KIF6: variants seen among roughly 807,000 people sequenced by gnomAD.
The protein encoded by KIF6 is kinesin family member 6.
A neutral mutation model predicts 112.7 loss-of-function variants in KIF6; 106 were observed. That is an observed-to-expected ratio of 0.94 (90% CI 0.80 to 1.11). The LOEUF (loss-of-function observed/expected upper bound fraction) is 1.11. KIF6 is among the 50% of genes least tolerant of loss of function. The pLI is 0.00. For synonymous variants in KIF6, 339 were observed against 339.9 expected, an observed-to-expected ratio of 1.00 and a Z score of 0.03; for missense variants, 929 against 964.0, an observed-to-expected ratio of 0.96 and a Z score of 0.48.
At chr6:39,701,014 T>G (rs1173657661) in intron 3 of KIF6, among the ~76,000 whole-genome samples, 1 of 152,234 alleles carries the variant, frequency 6.6e-6, no homozygotes, top group African/African-American at 2.4e-5. Context: ...AATTTAATTT[T>G]TATTTCTAAG....
chr6:39,366,731 T>C (rs1158283939), intron 16 of KIF6, among the ~76,000 whole-genome samples: 1 of 152,032 alleles, frequency 6.6e-6, no homozygotes, highest in Non-Finnish European at 1.5e-5. Context: ...CAGGAGCGGT[T>C]GGGAAGGGAA....
At chr6:39,451,140 C>T (rs1460749152) in intron 13 of KIF6, among the ~76,000 whole-genome samples, 1 of 152,130 alleles carries the variant, frequency 6.6e-6, no homozygotes. Flanking sequence ...CAAGTATTTA[C>T]TCAGTGGCCA....
At chr6:39,387,319 T>G (rs1055333462) in intron 15 of KIF6, among the ~76,000 whole-genome samples, 2 of 152,184 alleles carry the variant, frequency 1.3e-5, no homozygotes, top group Non-Finnish European at 2.9e-5. Context: ...GAGGATGCTA[T>G]GATTGATTTC....
At chr6:39,694,300 G>C (rs1278639178) in intron 3 of KIF6, among the ~76,000 whole-genome samples, 1 of 152,046 alleles carries the variant, frequency 6.6e-6, no homozygotes, top group Non-Finnish European at 1.5e-5. Context: ...CTCAACATAG[G>C]ACTGGAAGTC....
chr6:39,613,318 C>A lies in KIF6; in HGVS notation c.510G>T (p.Pro170=), dbSNP rs748485564. ...RHEASSLEDL[P]KVTILEDPDQ... is the part of the protein sequence containing the mutation. ...CAGGATCCTCCAGTATTGTCACTTT[C>A]CTAAGCAAATGGGAAGCAAGAAAAC... Residue 170 remains proline (P), a splice_region_variant and synonymous_variant, in exon 6 of 23, where the codon CCG becomes CCT. Coordinates refer to ENST00000287152, the MANE Select transcript of KIF6 (RefSeq NM_145027.6). 3.8e-6 allele frequency: 6 copies of A among 1,573,522 alleles called. No individual in the cohort carries two copies. The highest frequency in any genetic ancestry group is 4.7e-5 in the East Asian group (2 of 42,900).
At position 39,353,182 on chromosome 6, in the gene KIF6, C is replaced by G. The variant is rs1022803778; in HGVS notation, c.2180+4095G>C. Among the ~76,000 whole-genome samples, 4 of 152,154 alleles carry G rather than the reference C, an allele frequency of 2.6e-5. No individual in the cohort carries two copies. The East Asian group carries it at 7.7e-4, about 29-fold the overall frequency. ...GGAGTGCAAAACCATTTTGCATTCCCTCTAGCAATGAACGAGAGTTCCTAT... is the reference window on the plus strand; with the variant it reads ...GGAGTGCAAAACCATTTTGCATTCCGTCTAGCAATGAACGAGAGTTCCTAT... On this transcript the variant is annotated intron_variant, in intron 19 of 22. Transcript: ENST00000287152.
At chr6:39,679,169 A>G (rs559372228) in intron 3 of KIF6, among the ~76,000 whole-genome samples, 103 of 152,366 alleles carry the variant, frequency 6.8e-4, no homozygotes, top group African/African-American at 2.5e-3. Flanking sequence ...TGAAGACAAA[A>G]GGAAGCCATC....
At chr6:39,445,859 G>A (rs1581873884) in intron 13 of KIF6, among the ~76,000 whole-genome samples, 2 of 152,194 alleles carry the variant, frequency 1.3e-5, no homozygotes, top group Non-Finnish European at 2.9e-5. Context: ...GCAGGACCTT[G>A]GGGATTTCCT....
intron 3 of KIF6, among the ~76,000 whole-genome samples, chr6:39,664,128 G>A (rs1269483523): frequency 6.6e-6 from 1 of 152,032 alleles, no homozygotes; most frequent in Non-Finnish European, 1.5e-5. Flanking sequence ...TAAATAATAA[G>A]AAACCAGGGA....
chr6:39,569,402 A>C (rs1209408912), intron 10 of KIF6, among the ~76,000 whole-genome samples: 1 of 152,208 alleles, frequency 6.6e-6, no homozygotes, highest in East Asian at 1.9e-4. Flanking sequence ...GGTATATATC[A>C]AATTATATGA....
At position 39,433,605 on chromosome 6, in the gene KIF6, G is replaced by C. The variant is rs114117457; in HGVS notation, c.1646-2444C>G. 6.8e-3 allele frequency among the ~76,000 whole-genome samples: 1,033 copies of C among 152,316 alleles called. 11 individuals carry two copies. The highest frequency in any genetic ancestry group is 0.024 in the African/African-American group (990 of 41,560). On this transcript the variant is annotated intron_variant, in intron 13 of 22. Transcript: ENST00000287152. ...ATTCTGGAGTTGGAGTTCTTTGATT[G>C]TGGTGACCACAGGTGAAGGCCATCA...
chr6:39,359,745 A>C (rs534386667), intron 18 of KIF6, among the ~76,000 whole-genome samples: 2 of 152,082 alleles, frequency 1.3e-5, no homozygotes, highest in Admixed American at 1.3e-4. Flanking sequence ...ACTACCACAT[A>C]ATTAGCCTGG....
chr6:39,579,088 AGT>A (rs1379096797), intron 9 of KIF6, among the ~76,000 whole-genome samples: 1 of 152,200 alleles, frequency 6.6e-6, no homozygotes, highest in Non-Finnish European at 1.5e-5. Flanking sequence ...GTTTCTCTGT[AGT>A]GTGCACTTTA....
intron 2 of KIF6, among the ~76,000 whole-genome samples, chr6:39,715,902 A>G (rs1789822757): frequency 6.6e-6 from 1 of 152,194 alleles, no homozygotes; most frequent in South Asian, 2.1e-4. Context: ...AACATAACAC[A>G]GAGGTCAACA....
At chr6:39,719,919 G>C (rs1213935253) in intron 2 of KIF6, among the ~76,000 whole-genome samples, 1 of 152,044 alleles carries the variant, frequency 6.6e-6, no homozygotes, top group Non-Finnish European at 1.5e-5. Flanking sequence ...GCAGTTCAAG[G>C]CCACAGTGAA....
At chr6:39,642,075 A>G (rs756609947) in intron 3 of KIF6, among the ~76,000 whole-genome samples, 37 of 151,928 alleles carry the variant, frequency 2.4e-4, no homozygotes, top group Non-Finnish European at 3.2e-4. Context: ...TCTTGTAACC[A>G]CTCTTCAATG....
At chr6:39,388,711 A>T (rs1236162135) in intron 15 of KIF6, among the ~76,000 whole-genome samples, 1 of 152,182 alleles carries the variant, frequency 6.6e-6, no homozygotes, top group Non-Finnish European at 1.5e-5. Flanking sequence ...GAATTCACTC[A>T]GCATGCAGCT....
chr6:39,440,539 T>C (rs983978479), intron 13 of KIF6, among the ~76,000 whole-genome samples: 1 of 152,104 alleles, frequency 6.6e-6, no homozygotes, highest in East Asian at 1.9e-4. Flanking sequence ...GAGAATTCCA[T>C]TTCAGTGTGT....
intron 16 of KIF6, among the ~76,000 whole-genome samples, chr6:39,377,750 G>A (rs1358084627): frequency 1.3e-5 from 2 of 152,166 alleles, no homozygotes; most frequent in African/African-American, 2.4e-5. Flanking sequence ...TCTCCAACCC[G>A]TAAGGCCCTT....
Sources: gnomAD v4.1 joint callset for allele counts (sites outside exome capture counted in the v4.1 genomes callset) on GRCh38, gnomAD v4.1.1 for gene constraint, MANE v1.5 for transcripts, NCBI Gene and HGNC (gene_info 2026-07-23, HGNC 2026-07-21) for gene names.